STAU2: variants seen among roughly 807,000 people sequenced by gnomAD.
The protein encoded by STAU2 is double-stranded RNA-binding protein Staufen homolog 2.
In STAU2, 20 loss-of-function variants were observed where a neutral mutation model predicts 65.9. The observed-to-expected ratio is 0.30, with a 90% CI of 0.21 to 0.44. The LOEUF is 0.44. STAU2 is among the 20% of genes least tolerant of loss of function. STAU2 has a pLI of 1.00. For missense variants in STAU2, 558 were observed against 683.9 expected (o/e 0.82, Z 2.05); for synonymous variants, 232 against 233.9 (o/e 0.99, Z 0.07).
intron 13 of STAU2, among the ~76,000 whole-genome samples, chr8:73,545,370 G>A (rs1007210924): frequency 7.9e-5 from 12 of 151,946 alleles, no homozygotes; most frequent in Non-Finnish European, 1.3e-4. Flanking sequence ...TAAAAAAATA[G>A]ATAATACTAC....
rs1174035145 is a variant in STAU2, at chr8:73,720,499, CTTTTT to C, written c.-17-11342_-17-11338del. On this transcript the variant is annotated intron_variant, in intron 3 of 14. Coordinates refer to ENST00000524300, the MANE Select transcript of STAU2 (RefSeq NM_001164380.2). ...GTTGTCATTTAGTTTAAAATACTTT[CTTTTT>C]TTTTTTTTTTTTTTTTTTTGAGACG... Among the ~76,000 whole-genome samples, 20 of 39,102 alleles carry C rather than the reference CTTTTT, an allele frequency of 5.1e-4. 2 individuals are homozygous for C. In the South Asian group the frequency reaches 6.5e-3, roughly 13 times the overall value. 25.7% of individuals were successfully genotyped at this position (39,102 alleles called of 152,430 possible). A position where few individuals can be genotyped will look rare whatever the true frequency, so the allele number is the denominator to read the frequency against.
intron 12 of STAU2, among the ~76,000 whole-genome samples, chr8:73,570,597 G>A (rs532038363): frequency 6.6e-6 from 1 of 152,300 alleles, no homozygotes; most frequent in Non-Finnish European, 1.5e-5. Flanking sequence ...GAAATACAGA[G>A]AACGCCACAA....
chr8:73,716,263 T>G (rs62507983), intron 3 of STAU2, among the ~76,000 whole-genome samples: 1 of 152,168 alleles, frequency 6.6e-6, no homozygotes, highest in South Asian at 2.1e-4. Flanking sequence ...TAATTTTTTG[T>G]ATTTTTAGTA....
At chr8:73,729,088 A>T (rs1383564689) in intron 3 of STAU2, among the ~76,000 whole-genome samples, 12 of 151,692 alleles carry the variant, frequency 7.9e-5, no homozygotes, top group Non-Finnish European at 1.3e-4. Flanking sequence ...GGAAATGTTT[A>T]AAAAAAAAGT....
At chr8:73,499,950 G>A (rs531004665) in intron 13 of STAU2, among the ~76,000 whole-genome samples, 2 of 151,896 alleles carry the variant, frequency 1.3e-5, no homozygotes, top group Admixed American at 6.6e-5. Flanking sequence ...GCGCTCTCAC[G>A]GATTGAGCTG....
At chr8:73,694,093 A>G (rs1819539635) in intron 4 of STAU2, among the ~76,000 whole-genome samples, 1 of 152,252 alleles carries the variant, frequency 6.6e-6, no homozygotes, top group South Asian at 2.1e-4. Context: ...AAAGACTATT[A>G]CCAGTGGTAA....
intron 1 of STAU2, among the ~76,000 whole-genome samples, chr8:73,740,319 C>T (rs1806757885): frequency 6.6e-6 from 1 of 152,154 alleles, no homozygotes; most frequent in South Asian, 2.1e-4. Flanking sequence ...ATAAGACTAT[C>T]CTGTCCAACT....
intron 9 of STAU2, 84 bp downstream of exon 9, chr8:73,613,660 T>G: frequency 9.8e-7 from 1 of 1,023,960 alleles, no homozygotes; most frequent in Non-Finnish European, 1.4e-6. Context: ...AGTTCAGGGA[T>G]CTGCCTTATA....
intron 6 of STAU2, among the ~76,000 whole-genome samples, chr8:73,665,342 TGAGAAAA>T (rs1297652974): frequency 1.3e-5 from 2 of 152,274 alleles, no homozygotes; most frequent in South Asian, 2.1e-4. Context: ...GTAAAGCATA[TGAGAAAA>T]GAGAAAAGAA....
At chr8:73,595,567 A>G (rs1811122142) in intron 10 of STAU2, among the ~76,000 whole-genome samples, 1 of 152,126 alleles carries the variant, frequency 6.6e-6, no homozygotes, top group Admixed American at 6.6e-5. Context: ...TTGATTTTTT[A>G]AACACTAAAT....
In STAU2 at chr8:73,688,769, G is replaced by A. The variant is rs773868744; in HGVS notation, c.159C>T (p.Ser53=). The change falls in exon 5 of 15, where the codon TCC becomes TCT. Residue 53 remains serine (S), a synonymous_variant. Transcript: ENST00000524300. ...QLSLGEQTWE[S]EGSSIKKAQQ... Reference sequence around the variant, plus strand: ...GAGCCTTCTTTATACTGCTGCCTTCGGATTCCCATGTCTGCTCACCAAGAC... The same window carrying A: ...GAGCCTTCTTTATACTGCTGCCTTCAGATTCCCATGTCTGCTCACCAAGAC... 9 of 1,613,946 alleles carry A rather than the reference G, an allele frequency of 5.6e-6. No homozygotes were observed. Among genetic ancestry groups the A allele is most frequent in the East Asian group, 2.2e-5 (1 of 44,886 alleles).
intron 12 of STAU2, among the ~76,000 whole-genome samples, chr8:73,573,966 C>CAGT (rs1809314848): frequency 6.6e-6 from 1 of 152,116 alleles, no homozygotes; most frequent in Non-Finnish European, 1.5e-5. Flanking sequence ...AGTGAACAGG[C>CAGT]AACCTACAGA....
intron 13 of STAU2, among the ~76,000 whole-genome samples, chr8:73,536,067 T>G (rs1187564188): frequency 6.6e-6 from 1 of 152,190 alleles, no homozygotes; most frequent in African/African-American, 2.4e-5. Flanking sequence ...ATAGTTACAT[T>G]TATGATGACA....
chr8:73,427,386 C>A (rs192599372), intron 13 of STAU2, among the ~76,000 whole-genome samples: 1 of 152,278 alleles, frequency 6.6e-6, no homozygotes, highest in East Asian at 1.9e-4. Context: ...TTGGCCCCAC[C>A]TTATTTTAAT....
chr8:73,595,180 C>CTCAA lies in STAU2; in HGVS notation c.1146_1147insTTGA (p.Asp383LeufsTer5). 6.2e-7 allele frequency: 1 copy of CTCAA among 1,604,070 alleles called. No homozygotes were observed. On this transcript the variant is annotated frameshift_variant, in exon 11 of 15. Transcript: ENST00000524300. LOFTEE classifies it high-confidence loss of function. ...TTAACTCTTACCTTCTCAAGTTGAT[C>CTCAA]CTGAAGATTAGTGGATGCTTTATAA...
Position 73,746,840 on chromosome 8 carries a change from T to A in STAU2, c.-254A>T, listed in dbSNP as rs2130807245. 8.2e-7 allele frequency: 1 copy of A among 1,223,682 alleles called. No individual in the cohort carries two copies. Among genetic ancestry groups the A allele is most frequent in the East Asian group, 3.2e-5 (1 of 31,156 alleles). 75.8% of individuals were successfully genotyped at this position (1,223,682 alleles called of 1,614,324 possible). ...AACATTGGCAAACACTACAGAGAAC[T>A]GACCCCGCTCGGCCGCCGCCGGCTT... On this transcript the variant is annotated 5_prime_UTR_variant, in exon 1 of 15. Coordinates refer to ENST00000524300, the MANE Select transcript of STAU2 (RefSeq NM_001164380.2).
chr8:73,707,963 G>A (rs1031587393), intron 4 of STAU2, among the ~76,000 whole-genome samples: 3 of 152,194 alleles, frequency 2.0e-5, no homozygotes, highest in African/African-American at 7.2e-5. Context: ...CAAAGGCAGA[G>A]AGATGTGAAA....
At chr8:73,638,930 T>C (rs1490949004) in intron 6 of STAU2, among the ~76,000 whole-genome samples, 1 of 151,382 alleles carries the variant, frequency 6.6e-6, no homozygotes, top group Non-Finnish European at 1.5e-5. Context: ...GCAACAGAAA[T>C]AGTTGATTAA....
chr8:73,444,193 G>A (rs1423435435), intron 13 of STAU2, among the ~76,000 whole-genome samples: 1 of 152,178 alleles, frequency 6.6e-6, no homozygotes, highest in South Asian at 2.1e-4. Flanking sequence ...GATCACTTGA[G>A]GTCGGGAGTT....
Sources: gnomAD v4.1 joint callset for allele counts (sites outside exome capture counted in the v4.1 genomes callset) on GRCh38, gnomAD v4.1.1 for gene constraint, MANE v1.5 for transcripts, NCBI Gene and HGNC (gene_info 2026-07-23, HGNC 2026-07-21) for gene names.